Variants in XPO5 observed in about 807,000 individuals in gnomAD.
XPO5 encodes the protein exportin-5.
XPO5 carries 46 observed loss-of-function variants against 160.6 expected under a neutral mutation model. The ratio of observed to expected loss-of-function variants is 0.29; its 90% CI spans 0.23 to 0.37. XPO5 has a LOEUF of 0.37. Among genes scored for constraint, XPO5 ranks in the 10% least tolerant of loss-of-function variants. The probability of loss-of-function intolerance (pLI) is 1.00; values close to 1 mark genes in which losing one functional copy is unlikely to be tolerated. For missense variants in XPO5, 1,090 were observed against 1,463.9 expected (o/e 0.74, Z 4.17); for synonymous variants, 537 against 519.3 (o/e 1.03, Z -0.46).
chr6:43,553,622 G>GA (rs1229595599), intron 13 of XPO5, 119 bp from the exon 14 acceptor site: 4 of 1,440,714 alleles, frequency 2.8e-6, no homozygotes, highest in Middle Eastern at 2.1e-4. Flanking sequence ...AGAATTTCAT[G>GA]ATTGAAGGAG....
At chr6:43,573,427 A>C (rs1763114354) in intron 2 of XPO5, 53 bp downstream of exon 2, 2 of 1,605,322 alleles carry the variant, frequency 1.2e-6, no homozygotes, top group Non-Finnish European at 1.7e-6. Context: ...GTTATATAAG[A>C]TATAAAGATC....
chr6:43,564,696 A>C (rs939966697), intron 8 of XPO5, among the ~76,000 whole-genome samples: 13 of 152,208 alleles, frequency 8.5e-5, no homozygotes, highest in African/African-American at 3.1e-4. Flanking sequence ...TGGACTTCCC[A>C]GCTCTAGTGA....
At chr6:43,531,689 G>T in intron 21 of XPO5, 114 bp from the exon 22 acceptor site, 1 of 888,126 alleles carries the variant, frequency 1.1e-6, no homozygotes, top group Non-Finnish European at 1.9e-6. Context: ...CATGTCTGGT[G>T]CTGTACTGCA....
At chr6:43,531,820 A>G (rs1489737556) in intron 21 of XPO5, among the ~76,000 whole-genome samples, 1 of 152,042 alleles carries the variant, frequency 6.6e-6, no homozygotes, top group Non-Finnish European at 1.5e-5. Flanking sequence ...CCCAGATGGA[A>G]CCTGTACCAA....
intron 23 of XPO5, among the ~76,000 whole-genome samples, chr6:43,530,099 A>G (rs1793869926): frequency 1.3e-5 from 2 of 152,078 alleles, no homozygotes. Context: ...TACTAAAAAT[A>G]CAAAAAAATT....
At chr6:43,548,181 C>T in intron 18 of XPO5, 80 bp downstream of exon 18, 1 of 1,401,646 alleles carries the variant, frequency 7.1e-7, no homozygotes, top group Non-Finnish European at 9.6e-7. Context: ...TCCTTAACCC[C>T]TACCCCACCC....
intron 26 of XPO5, 54 bp from the exon 27 acceptor site, chr6:43,526,801 C>G (rs374203018): frequency 1.9e-6 from 3 of 1,570,716 alleles, no homozygotes; most frequent in East Asian, 2.3e-5. Flanking sequence ...ACTACCACAA[C>G]AGCCACCTCA....
rs1793745213 is a variant in XPO5 at position 43,528,572 on chromosome 6, T to C, written c.2775+256A>G. Among the ~76,000 whole-genome samples, 1 of 152,156 alleles carries C rather than the reference T, an allele frequency of 6.6e-6. No homozygotes were observed. Among genetic ancestry groups the C allele is most frequent in the Non-Finnish European group, 1.5e-5 (1 of 68,026 alleles). On this transcript the variant is annotated intron_variant, in intron 24 of 31. Transcript: ENST00000265351. ...GGGTCTGTGAGCAAGCATTCCTCTT[T>C]TTACCTCTCCTCAGTTAACAGGAGG...
At chr6:43,530,029 C>T (rs999055838) in intron 23 of XPO5, among the ~76,000 whole-genome samples, 1 of 151,712 alleles carries the variant, frequency 6.6e-6, no homozygotes, top group East Asian at 1.9e-4. Context: ...CTGAGGCAGG[C>T]GGATTACTTG....
At chr6:43,556,231 A>C in intron 12 of XPO5, 1 of 361,990 alleles carries the variant, frequency 2.8e-6, no homozygotes, top group African/African-American at 2.1e-5. Flanking sequence ...TTTGAATTAA[A>C]AGGAAATCAG....
Position 43,567,154 on chromosome 6 carries a change from G to C in XPO5, c.834+15C>G, listed in dbSNP as rs1163356632. The C allele has an allele frequency of 6.2e-7, 1 of 1,604,948 alleles. No individual in the cohort carries two copies. Among genetic ancestry groups the C allele is most frequent in the Non-Finnish European group, 8.5e-7 (1 of 1,175,498 alleles). On this transcript the variant is annotated intron_variant, in intron 7 of 31. Coordinates refer to ENST00000265351, the MANE Select transcript of XPO5 (RefSeq NM_020750.3). Reference sequence around the variant, plus strand: ...TCAGAGACTGAGGATAAGTCAGTTTGAAGTGGTAACTTACTTTTCTGCTGA... The same window carrying C: ...TCAGAGACTGAGGATAAGTCAGTTTCAAGTGGTAACTTACTTTTCTGCTGA...
At chr6:43,529,325 G>T (rs774522589) in intron 23 of XPO5, 16 of 687,122 alleles carry the variant, frequency 2.3e-5, no homozygotes, top group Non-Finnish European at 3.6e-5. Context: ...AGTGGATCAC[G>T]GGGTCAAGAG....
chr6:43,529,201 G>A (rs1793788401), intron 23 of XPO5: 2 of 1,434,844 alleles, frequency 1.4e-6, no homozygotes, highest in Non-Finnish European at 1.9e-6. Flanking sequence ...TAGGAAGGAG[G>A]ACATCCTTGT....
chr6:43,542,520 C>G (rs568730731), intron 20 of XPO5, among the ~76,000 whole-genome samples: 1 of 152,234 alleles, frequency 6.6e-6, no homozygotes, highest in East Asian at 1.9e-4. Context: ...AGCGATTCTC[C>G]TACCTCAGCC....
chr6:43,526,715 G>C lies in XPO5; in HGVS notation c.2953C>G (p.His985Asp). 1 of 1,613,936 alleles carries C rather than the reference G, an allele frequency of 6.2e-7. No individual in the cohort carries two copies. Among genetic ancestry groups the C allele is most frequent in the Non-Finnish European group, 8.5e-7 (1 of 1,179,858 alleles). Residue 985 changes from histidine (H) to aspartate (D), a missense_variant, in exon 27 of 32, where the codon CAC becomes GAC. Physicochemically the swap from His to Asp is moderately conservative, Grantham distance 81. Around this residue, in one of 3 missense-constraint regions of XPO5, gnomAD observed 810 missense variants for 1,139.0 expected, o/e 0.71. Transcript: ENST00000265351. The stretch of plus-strand genomic sequence containing the variant: ...CCATCTGCTGGGGGAGCACTACTGT[G>C]GTCAGCACCCTTCTTTGAAACACAG... The part of the protein sequence containing the change: ...VCCVSKKGAD[H>D]SSAPPADGDD...
chr6:43,544,582 C>T (rs923169894), intron 20 of XPO5, among the ~76,000 whole-genome samples: 1 of 152,112 alleles, frequency 6.6e-6, no homozygotes, highest in African/African-American at 2.4e-5. Flanking sequence ...CTATGATTTC[C>T]ATCACTTTCA....
chr6:43,547,519 A>G, intron 19 of XPO5, 89 bp downstream of exon 19: 1 of 1,272,518 alleles, frequency 7.9e-7, no homozygotes, highest in Non-Finnish European at 1.1e-6. Context: ...CCAGTATAGA[A>G]AAAACAAATC....
intron 3 of XPO5, among the ~76,000 whole-genome samples, chr6:43,572,200 C>A (rs1763043965): frequency 6.6e-6 from 1 of 152,208 alleles, no homozygotes; most frequent in African/African-American, 2.4e-5. Flanking sequence ...ACCTCAGCCT[C>A]CTGAGTAGCT....
chr6:43,543,386 G>A (rs893875778), intron 20 of XPO5, among the ~76,000 whole-genome samples: 6 of 152,152 alleles, frequency 3.9e-5, no homozygotes, highest in South Asian at 2.1e-4. Flanking sequence ...CCATGAGGTC[G>A]AGGCTGCAGT....
Sources: allele counts gnomAD v4.1 joint callset (sites outside exome capture counted in the v4.1 genomes callset), GRCh38; gene constraint gnomAD v4.1.1; regional missense constraint gnomAD v4.1.1; transcripts MANE v1.5; gene names NCBI Gene and HGNC (gene_info 2026-07-23, HGNC 2026-07-21).